Variants in CACHD1 observed in about 807,000 individuals in gnomAD.
The protein encoded by CACHD1 is VWFA and cache domain-containing protein 1.
In CACHD1, 71 loss-of-function variants were observed where a neutral mutation model predicts 138.7. The ratio of observed to expected loss-of-function variants is 0.51; its 90% CI spans 0.42 to 0.62. CACHD1 has a LOEUF of 0.62. Among genes scored for constraint, CACHD1 ranks in the 20% least tolerant of loss-of-function variants. The probability of loss-of-function intolerance (pLI) is 0.00; values close to 1 mark genes in which losing one functional copy is unlikely to be tolerated. For missense variants in CACHD1, 1,389 were observed against 1,625.3 expected (o/e 0.85, Z 2.50); for synonymous variants, 578 against 591.5 (o/e 0.98, Z 0.33).
At chr1:64,529,169 T>A (rs1184922438) in intron 1 of CACHD1, among the ~76,000 whole-genome samples, 5 of 152,216 alleles carry the variant, frequency 3.3e-5, no homozygotes, top group African/African-American at 1.2e-4. Context: ...ACTCCTTTTC[T>A]AAGAGAAGTG....
In CACHD1 at chr1:64,622,884, CAT is replaced by C. The variant is rs1227305369; in HGVS notation, c.518-6470_518-6469del. Among the ~76,000 whole-genome samples the C allele has an allele frequency of 7.9e-5, 12 of 152,282 alleles. No individual in the cohort carries two copies. In the East Asian group the frequency reaches 2.3e-3, roughly 29 times the overall value. On this transcript the variant is annotated intron_variant, in intron 4 of 26. Transcript: ENST00000651257. ...TATAATTGACATCCAATAAACTTCA[CAT>C]GTTTAACATGTGCAGTTAGTAGATT... is the stretch of plus-strand genomic sequence containing the variant.
intron 3 of CACHD1, among the ~76,000 whole-genome samples, chr1:64,599,520 G>A (rs1291989954): frequency 6.6e-6 from 1 of 152,058 alleles, no homozygotes; most frequent in East Asian, 1.9e-4. Flanking sequence ...CACATAGGGA[G>A]GGGCCAGTTT....
chr1:64,604,813 C>T (rs1647288069), intron 4 of CACHD1, among the ~76,000 whole-genome samples: 1 of 151,540 alleles, frequency 6.6e-6, no homozygotes, highest in Non-Finnish European at 1.5e-5. Context: ...CCACCACACC[C>T]AGCTAATTTT....
chr1:64,666,848 C>CAAAAAA (rs946649209), intron 16 of CACHD1, among the ~76,000 whole-genome samples: 1 of 33,952 alleles, frequency 2.9e-5, no homozygotes. Context: ...GATCCTGTCT[C>CAAAAAA]AAAAAAAAAA....
chr1:64,566,478 T>TCCCCCCC (rs1570372376), intron 2 of CACHD1, among the ~76,000 whole-genome samples: 1 of 4,998 alleles, frequency 2.0e-4, no homozygotes, highest in African/African-American at 4.0e-4. Flanking sequence ...ATGTTTTCAA[T>TCCCCCCC]TCCCCCCCCC....
At chr1:64,669,782 T>G (rs7525514) in intron 16 of CACHD1, among the ~76,000 whole-genome samples, 7 of 151,908 alleles carry the variant, frequency 4.6e-5, no homozygotes, top group African/African-American at 1.7e-4. Flanking sequence ...CCTAGATTTA[T>G]GTAGGCAATA....
chr1:64,556,925 TG>T (rs1646802736), intron 2 of CACHD1, among the ~76,000 whole-genome samples: 1 of 152,280 alleles, frequency 6.6e-6, no homozygotes, highest in South Asian at 2.1e-4. Context: ...GAGACCATCC[TG>T]GCTAACACGG....
intron 1 of CACHD1, among the ~76,000 whole-genome samples, chr1:64,504,558 A>G (rs1646357388): frequency 1.3e-5 from 2 of 152,144 alleles, no homozygotes; most frequent in South Asian, 2.1e-4. Context: ...TTCATTTTGT[A>G]TATAGGTACC....
chr1:64,489,378 G>A (rs1185644889), intron 1 of CACHD1, among the ~76,000 whole-genome samples: 1 of 152,124 alleles, frequency 6.6e-6, no homozygotes, highest in Non-Finnish European at 1.5e-5. Context: ...TTTTTAAGTA[G>A]TGCAGAGACC....
Position 64,512,393 on chromosome 1 carries a change from C to CAAAAAAAAAAA in CACHD1, c.199-38185_199-38175dup, listed in dbSNP as rs551616431. ...TCGGTGACACAGTGAGACTGTGTCTCAAAAAAAAAAAAAAAAAAAAAAAAA... is the reference window on the plus strand; with the variant it reads ...TCGGTGACACAGTGAGACTGTGTCTCAAAAAAAAAAAAAAAAAAAAAAAAAAAAAAAAAAAA... On this transcript the variant is annotated intron_variant, in intron 1 of 26. Coordinates refer to ENST00000651257, the MANE Select transcript of CACHD1 (RefSeq NM_020925.4). Among the ~76,000 whole-genome samples, 59 of 78,592 alleles carry CAAAAAAAAAAA rather than the reference C, an allele frequency of 7.5e-4. 5 individuals are homozygous for CAAAAAAAAAAA. Among genetic ancestry groups the CAAAAAAAAAAA allele is most frequent in the African/African-American group, 2.4e-3 (37 of 15,578 alleles). The allele number at this position is 78,592 out of a possible 152,430, so 51.6% of individuals were successfully genotyped here.
At chr1:64,587,677 G>T (rs1197989462) in intron 3 of CACHD1, among the ~76,000 whole-genome samples, 1 of 152,094 alleles carries the variant, frequency 6.6e-6, no homozygotes, top group Non-Finnish European at 1.5e-5. Context: ...CATTTTCAAC[G>T]GTATCACTTA....
At chr1:64,652,065 T>C in intron 9 of CACHD1, 96 bp from the exon 10 acceptor site, 1 of 1,097,360 alleles carries the variant, frequency 9.1e-7, no homozygotes, top group Non-Finnish European at 1.3e-6. Flanking sequence ...TTGAGACAGC[T>C]GATAGAAGCC....
intron 1 of CACHD1, among the ~76,000 whole-genome samples, chr1:64,505,003 G>A (rs559458027): frequency 1.4e-4 from 22 of 152,292 alleles, no homozygotes; most frequent in African/African-American, 5.3e-4. Context: ...AGCAGTCTTT[G>A]AGACCAAGAC....
At chr1:64,492,670 T>G (rs1337505368) in intron 1 of CACHD1, among the ~76,000 whole-genome samples, 1 of 152,078 alleles carries the variant, frequency 6.6e-6, no homozygotes, top group Non-Finnish European at 1.5e-5. Flanking sequence ...TTAACGTCAG[T>G]GTAAAAGACA....
At chr1:64,652,081 G>A (rs1649113518) in intron 9 of CACHD1, 80 bp from the exon 10 acceptor site, 1 of 1,263,178 alleles carries the variant, frequency 7.9e-7, no homozygotes, top group Admixed American at 2.6e-5. Flanking sequence ...AAGCCTTCAT[G>A]ATTCACCGGA....
intron 5 of CACHD1, among the ~76,000 whole-genome samples, chr1:64,631,737 A>T (rs1648311089): frequency 6.6e-6 from 1 of 152,136 alleles, no homozygotes; most frequent in African/African-American, 2.4e-5. Context: ...CTTTGATGGG[A>T]GGCATTTCTC....
At chr1:64,586,319 C>T (rs1356695827) in intron 3 of CACHD1, among the ~76,000 whole-genome samples, 1 of 152,182 alleles carries the variant, frequency 6.6e-6, no homozygotes, top group Non-Finnish European at 1.5e-5. Context: ...CCACCTTGGC[C>T]TCCCAAAGTG....
intron 3 of CACHD1, among the ~76,000 whole-genome samples, chr1:64,588,703 T>C (rs1009456063): frequency 2.0e-5 from 3 of 152,170 alleles, no homozygotes; most frequent in Non-Finnish European, 4.4e-5. Context: ...ATTGTCCACA[T>C]CACTTAATTG....
At chr1:64,505,062 A>G (rs1291325169) in intron 1 of CACHD1, among the ~76,000 whole-genome samples, 1 of 152,208 alleles carries the variant, frequency 6.6e-6, no homozygotes, top group Non-Finnish European at 1.5e-5. Flanking sequence ...ACCCAGAAGA[A>G]CATTTATTTT....
Sources: gnomAD v4.1 joint callset for allele counts (sites outside exome capture counted in the v4.1 genomes callset) on GRCh38, gnomAD v4.1.1 for gene constraint, MANE v1.5 for transcripts, NCBI Gene and HGNC (gene_info 2026-07-23, HGNC 2026-07-21) for gene names.